Variants in MINK1 observed in about 807,000 individuals in gnomAD.
MINK1 encodes the protein misshapen like kinase 1, also known as misshapen-like kinase 1.
A neutral mutation model predicts 178.4 loss-of-function variants in MINK1; 46 were observed. That is an observed-to-expected ratio of 0.26 (90% confidence interval 0.20 to 0.33). The LOEUF is 0.33. Ranked by LOEUF, MINK1 falls within the 10% of genes least tolerant of loss-of-function variation. MINK1 has a pLI of 1.00. For synonymous variants in MINK1, 797 were observed against 709.7 expected, an observed-to-expected ratio of 1.12 and a Z score of -1.96; for missense variants, 1,366 against 1,814.9, an observed-to-expected ratio of 0.75 and a Z score of 4.49.
chr17:4,869,300 G>A (rs1489272175), intron 1 of MINK1, among the ~76,000 whole-genome samples: 1 of 149,802 alleles, frequency 6.7e-6, no homozygotes, highest in East Asian at 2.0e-4. Flanking sequence ...TTTTGAGACA[G>A]CGTTTCACTC....
chr17:4,859,382 T>G (rs1452159405), intron 1 of MINK1: 1 of 852,956 alleles, frequency 1.2e-6, no homozygotes, highest in Non-Finnish European at 1.4e-6. Flanking sequence ...CCTCACAATC[T>G]TACTCTTTAT....
In MINK1 at chr17:4,897,376, GGCTTTT is replaced by G; in HGVS notation, c.*96_*101del. On this transcript the variant is annotated 3_prime_UTR_variant, in exon 32 of 32. Coordinates refer to ENST00000355280, the MANE Select transcript of MINK1 (RefSeq NM_153827.5). ...GGGCCGCCCCTCTTTCCCCTCCCTG[GGCTTTT>G]GCTTTTACTGGTTTGATTTCACTGG... 1.6e-6 allele frequency: 2 copies of G among 1,254,690 alleles called. No individual in the cohort carries two copies. The highest frequency in any genetic ancestry group is 2.3e-6 in the Non-Finnish European group (2 of 877,140). 77.7% of individuals were successfully genotyped at this position (1,254,690 alleles called of 1,614,324 possible). A position where few individuals can be genotyped will look rare whatever the true frequency, so the allele number is the denominator to read the frequency against.
chr17:4,833,375 G>A lies in MINK1; in HGVS notation c.-209G>A, dbSNP rs1908763077. On this transcript the variant is annotated 5_prime_UTR_variant, in exon 1 of 32. Transcript: ENST00000355280. The surrounding 1 kb of genome is among the most constrained non-coding windows in gnomAD (Gnocchi z 4.8). ...CGCTCCGCGCCTGCGCAGGAGAGGTGGTAGGCTCGGGTGGCTGGCTCCGGG... is the reference window on the plus strand; with the variant it reads ...CGCTCCGCGCCTGCGCAGGAGAGGTAGTAGGCTCGGGTGGCTGGCTCCGGG... The A allele has an allele frequency of 7.7e-6, 4 of 517,196 alleles. No individual in the cohort carries two copies. Among genetic ancestry groups the A allele is most frequent in the African/African-American group, 2.0e-5 (1 of 48,998 alleles). The allele number at this position is 517,196 out of a possible 1,614,324, so 32.0% of individuals were successfully genotyped here.
Position 4,894,681 on chromosome 17 carries a change from G to C in MINK1, c.2917+48G>C. On this transcript the variant is annotated intron_variant, in intron 24 of 31. Transcript: ENST00000355280. This position sits in a 1 kb window ranked among gnomAD's most constrained non-coding sequence, Gnocchi z 4.1. Reference sequence around the variant, plus strand: ...GCTGTGAGGCCAGGGTCCAGGGGCAGCCTGGAGGGGAGCACAGTGGTCTTG... The same window carrying C: ...GCTGTGAGGCCAGGGTCCAGGGGCACCCTGGAGGGGAGCACAGTGGTCTTG... 9.2e-6 allele frequency: 13 copies of C among 1,406,416 alleles called. No individual in the cohort carries two copies. Among genetic ancestry groups the C allele is most frequent in the Non-Finnish European group, 1.2e-5 (12 of 1,009,776 alleles). 87.1% of individuals were successfully genotyped at this position (1,406,416 alleles called of 1,614,324 possible). A position where few individuals can be genotyped will look rare whatever the true frequency, so the allele number is the denominator to read the frequency against.
Position 4,890,879 on chromosome 17 carries a change from G to A in MINK1, c.1567-72G>A, listed in dbSNP as rs997622543. On this transcript the variant is annotated intron_variant, in intron 14 of 31. Coordinates refer to ENST00000355280, the MANE Select transcript of MINK1 (RefSeq NM_153827.5). ...CAGAGCATAGGGCGGGAGTAGTTAG[G>A]GCAGGTGGGACCCTCAGTTTTGAGA... 2.1e-5 allele frequency: 33 copies of A among 1,543,112 alleles called. No individual in the cohort carries two copies. In the African/African-American group the frequency reaches 2.9e-4, roughly 13 times the overall value.
At chr17:4,865,627 G>A (rs1290443978) in intron 1 of MINK1, among the ~76,000 whole-genome samples, 2 of 149,444 alleles carry the variant, frequency 1.3e-5, no homozygotes, top group East Asian at 2.0e-4. Context: ...GCTCACACCT[G>A]TAATCTCAGC....
intron 1 of MINK1, among the ~76,000 whole-genome samples, chr17:4,853,029 G>T (rs1597406005): frequency 1.1e-4 from 1 of 9,188 alleles, no homozygotes; most frequent in Non-Finnish European, 2.3e-4. Flanking sequence ...GGTTGGTGGG[G>T]AGAGTGTGGT....
intron 1 of MINK1, among the ~76,000 whole-genome samples, chr17:4,864,032 G>A (rs912570693): frequency 2.0e-5 from 3 of 151,792 alleles, no homozygotes; most frequent in Admixed American, 6.6e-5. Context: ...CAAATGATCC[G>A]CCTGCCTCGG....
chr17:4,859,660 C>T (rs113252382), intron 1 of MINK1, among the ~76,000 whole-genome samples: 2 of 151,728 alleles, frequency 1.3e-5, no homozygotes, highest in Non-Finnish European at 2.9e-5. Flanking sequence ...TGGTTGCACA[C>T]GCCTGTAATC....
intron 1 of MINK1, among the ~76,000 whole-genome samples, chr17:4,867,330 T>C (rs1322452757): frequency 2.0e-5 from 3 of 149,602 alleles, no homozygotes; most frequent in Non-Finnish European, 4.4e-5. Flanking sequence ...GCCCTACCTC[T>C]TAGGATTTTT....
chr17:4,861,652 C>T, intron 1 of MINK1: 1 of 304,322 alleles, frequency 3.3e-6, no homozygotes, highest in Non-Finnish European at 6.8e-6. Context: ...AGGCACGTGC[C>T]ACCACACCCA....
Position 4,889,663 on chromosome 17 carries a change from G to T in MINK1, c.1247G>T (p.Arg416Leu), listed in dbSNP as rs868856720. The change falls in exon 13 of 32, where the codon CGG (arginine) becomes CTG (leucine). Residue 416 changes from arginine (R) to leucine (L), a missense_variant. Physicochemically the swap from Arg to Leu is moderately radical, Grantham distance 102. Transcript: ENST00000355280. ...TCCCCACAGCAACAGCGGCGGGAGC[G>T]GGAGCAGCGGAAGCTGCAGGAGAAG... Reference protein sequence around the residue: ...RRVEEQQRREREQRKLQEKEQ... With the variant: ...RRVEEQQRRELEQRKLQEKEQ... 1 of 1,564,694 alleles carries T rather than the reference G, an allele frequency of 6.4e-7. No individual in the cohort carries two copies. Among genetic ancestry groups the T allele is most frequent in the East Asian group, 2.4e-5 (1 of 41,832 alleles).
chr17:4,875,110 C>A (rs1967063680), intron 1 of MINK1: 1 of 519,950 alleles, frequency 1.9e-6, no homozygotes, highest in East Asian at 5.4e-5. Context: ...AGTTCAGACG[C>A]CCCGGAATGG....
intron 19 of MINK1, 25 bp downstream of exon 19, chr17:4,892,793 C>T (rs771901573): frequency 1.9e-6 from 3 of 1,573,220 alleles, no homozygotes; most frequent in Non-Finnish European, 1.7e-6. Flanking sequence ...GCTGGGCAGC[C>T]TGCTCTGGGC....
intron 1 of MINK1, among the ~76,000 whole-genome samples, chr17:4,850,771 C>T (rs1239392947): frequency 1.3e-5 from 2 of 152,158 alleles, no homozygotes; most frequent in African/African-American, 4.8e-5. Context: ...AGGAGGCTGG[C>T]AATAAGATAT....
chr17:4,840,029 C>T (rs369235525), intron 1 of MINK1, among the ~76,000 whole-genome samples: 7 of 150,422 alleles, frequency 4.7e-5, no homozygotes, highest in East Asian at 3.9e-4. Context: ...TTTAACATGC[C>T]GTGGGCACAT....
At chr17:4,890,025 C>G in intron 13 of MINK1, 3 of 556,062 alleles carry the variant, frequency 5.4e-6, no homozygotes. Flanking sequence ...TTCCCTGTGC[C>G]CTCTTCTTCC....
At chr17:4,871,143 G>T in intron 1 of MINK1, 2 of 253,448 alleles carry the variant, frequency 7.9e-6, no homozygotes, top group South Asian at 3.0e-5. Flanking sequence ...GCAACATCTA[G>T]CAGTAGTTTA....
intron 31 of MINK1, 190 bp downstream of exon 31, chr17:4,897,003 C>T (rs1331402298): frequency 1.6e-5 from 15 of 956,730 alleles, no homozygotes; most frequent in Non-Finnish European, 2.0e-5. Flanking sequence ...CCCAGCTGGC[C>T]CCCAGGGGGC....
Sources: gnomAD v4.1 joint callset for allele counts (sites outside exome capture counted in the v4.1 genomes callset) on GRCh38, gnomAD v4.1.1 for gene constraint, Gnocchi (gnomAD v3.1) non-coding constraint, MANE v1.5 for transcripts, NCBI Gene and HGNC (gene_info 2026-07-23, HGNC 2026-07-21) for gene names.